The following PLA2G4E variants were observed in gnomAD, a reference collection of about 807,000 sequenced individuals.
The protein encoded by PLA2G4E is phospholipase A2 group IVE.
PLA2G4E carries 84 observed loss-of-function variants against 109.1 expected under a neutral mutation model. The ratio of observed to expected loss-of-function variants is 0.77; its 90% CI spans 0.65 to 0.92. The LOEUF (loss-of-function observed/expected upper bound fraction) is 0.92. PLA2G4E is among the 40% of genes least tolerant of loss of function. The probability of loss-of-function intolerance (pLI) is 0.00; values close to 1 mark genes in which losing one functional copy is unlikely to be tolerated. For synonymous variants in PLA2G4E, 469 were observed against 436.1 expected (o/e 1.08, Z -0.94); for missense variants, 1,057 against 1,076.6 (o/e 0.98, Z 0.25).
chr15:41,989,616 C>G, intron 14 of PLA2G4E, 64 bp from the exon 15 acceptor site: 1 of 1,544,404 alleles, frequency 6.5e-7, no homozygotes, highest in South Asian at 1.2e-5. Flanking sequence ...ACAGCCGGGC[C>G]CCCCTCCTGC....
intron 1 of PLA2G4E, among the ~76,000 whole-genome samples, chr15:42,025,028 A>G (rs2068681019): frequency 1.3e-5 from 2 of 151,766 alleles, no homozygotes; most frequent in African/African-American, 4.8e-5. Context: ...GTGAAACCCC[A>G]TCTCCACTAC....
At chr15:41,997,326 G>A in intron 10 of PLA2G4E, 67 bp from the exon 11 acceptor site, 1 of 1,414,504 alleles carries the variant, frequency 7.1e-7, no homozygotes, top group Non-Finnish European at 9.3e-7. Flanking sequence ...CACAGCTTCA[G>A]GGTCCATTGG....
chr15:42,007,699 G>T, intron 3 of PLA2G4E, 30 bp downstream of exon 3: 1 of 1,603,642 alleles, frequency 6.2e-7, no homozygotes, highest in East Asian at 2.2e-5. Flanking sequence ...ATGCAGACAG[G>T]GAAGACAGGT....
chr15:42,013,695 C>T (rs1420546025), exon 2 of PLA2G4E: 1 of 1,550,602 alleles, frequency 6.4e-7, no homozygotes, highest in Non-Finnish European at 8.7e-7. Flanking sequence ...GCATATCAGC[C>T]TGCCGGACAT....
At chr15:42,004,582 C>T (rs79947348) in intron 5 of PLA2G4E, among the ~76,000 whole-genome samples, 1 of 152,088 alleles carries the variant, frequency 6.6e-6, no homozygotes. Flanking sequence ...GGGCTCTGAC[C>T]TCTTTCTCAG....
At chr15:42,031,536 C>T (rs973053670) in intron 1 of PLA2G4E, among the ~76,000 whole-genome samples, 1 of 152,176 alleles carries the variant, frequency 6.6e-6, no homozygotes, top group Non-Finnish European at 1.5e-5. Context: ...TCATCCTCCT[C>T]TTTCTCCCAT....
rs948735567 is a variant in PLA2G4E at position 42,001,229 on chromosome 15, A to G, written c.610-9T>C. 2 of 1,610,756 alleles carry G rather than the reference A, an allele frequency of 1.2e-6. No homozygotes were observed. The highest frequency in any genetic ancestry group is 1.7e-5 in the Admixed American group (1 of 60,008). On this transcript the variant is annotated splice_polypyrimidine_tract_variant and intron_variant, in intron 6 of 19. Transcript: ENST00000399518. Reference sequence around the variant, plus strand: ...CAGGAGACTTGTCGAGACTGTAAAAAACAAAGGAGGGTCACAGAGTGTCTG... The same window carrying G: ...CAGGAGACTTGTCGAGACTGTAAAAGACAAAGGAGGGTCACAGAGTGTCTG...
rs1404205403 is a variant in PLA2G4E at position 41,990,345 on chromosome 15, C to T, written c.1471-110G>A. On this transcript the variant is annotated intron_variant, in intron 13 of 19. Coordinates refer to ENST00000399518, the Ensembl canonical transcript of PLA2G4E. ...CCGCAGCCACTTCCTGGCTCCTGAG[C>T]TCACCGGGCTGCTGTATCGGCCCCA... is the stretch of plus-strand genomic sequence containing the variant. 4 of 936,690 alleles carry T rather than the reference C, an allele frequency of 4.3e-6. No homozygotes were observed. In the Admixed American group the frequency reaches 6.0e-5, roughly 14 times the overall value. 58.0% of individuals were successfully genotyped at this position (936,690 alleles called of 1,614,324 possible). A position where few individuals can be genotyped will look rare whatever the true frequency, so the allele number is the denominator to read the frequency against.
chr15:42,045,329 C>T (rs1392363603), intron 1 of PLA2G4E, among the ~76,000 whole-genome samples: 1 of 152,114 alleles, frequency 6.6e-6, no homozygotes, highest in Non-Finnish European at 1.5e-5. Context: ...GAGCTGGGGG[C>T]CAAGAGTGTG....
chr15:42,004,360 G>GAGGGAGAA (rs1269850517), intron 5 of PLA2G4E, among the ~76,000 whole-genome samples: 2 of 150,228 alleles, frequency 1.3e-5, no homozygotes, highest in Non-Finnish European at 3.0e-5. Flanking sequence ...GAGAGGGAGA[G>GAGGGAGAA]AGGGAGAAAG....
At chr15:42,002,758 G>T in intron 5 of PLA2G4E, 62 bp from the exon 6 acceptor site, 1 of 1,402,472 alleles carries the variant, frequency 7.1e-7, no homozygotes, top group Non-Finnish European at 9.9e-7. Flanking sequence ...TCTTCTAATG[G>T]CGACAAAGGG....
Position 42,000,149 on chromosome 15 carries a change from C to A in PLA2G4E, c.807G>T (p.Gln269His). The A allele has an allele frequency of 3.1e-6, 5 of 1,594,808 alleles. No individual in the cohort carries two copies. In the South Asian group the frequency reaches 5.7e-5, roughly 18 times the overall value. Residue 269 changes from glutamine to histidine, a missense_variant, in exon 8 of 20, where the codon CAG becomes CAT. Physicochemically the swap from Gln to His is conservative, Grantham distance 24. Transcript: ENST00000399518. ...TGGGCACTTCCACGTGCACCTGGGA[C>A]TGGAAGTACTTGGGGTAGTGGAAGC...
chr15:41,989,413 A>G lies in PLA2G4E; in HGVS notation c.1723+2T>C. ...TCATTCCGCCAGTTGCAAGGCAGTC[A>G]CCTAGCATGTAGCAGATTCGAGACT... On this transcript the variant is annotated splice_donor_variant, in intron 15 of 19. Coordinates refer to ENST00000399518, the Ensembl canonical transcript of PLA2G4E. LOFTEE classifies it high-confidence loss of function. 6.2e-7 allele frequency: 1 copy of G among 1,613,920 alleles called. No individual in the cohort carries two copies. Among genetic ancestry groups the G allele is most frequent in the Non-Finnish European group, 8.5e-7 (1 of 1,179,824 alleles).
chr15:42,045,485 G>C (rs1889397941), intron 1 of PLA2G4E, among the ~76,000 whole-genome samples: 1 of 152,204 alleles, frequency 6.6e-6, no homozygotes, highest in African/African-American at 2.4e-5. Context: ...CGGCAGTGCC[G>C]GGGGATGAAA....
At chr15:41,984,467 G>T in exon 19 of PLA2G4E, 1 of 1,613,746 alleles carries the variant, frequency 6.2e-7, no homozygotes. Context: ...AAGTGTCATT[G>T]ATGAGTGGGA....
At chr15:42,007,990 A>C in intron 2 of PLA2G4E, 125 bp from the exon 3 acceptor site, 1 of 1,094,880 alleles carries the variant, frequency 9.1e-7, no homozygotes, top group South Asian at 1.6e-5. Context: ...CTCCTCATTC[A>C]TGGGTCTAAC....
chr15:42,000,580 C>A (rs1250828869), intron 7 of PLA2G4E, among the ~76,000 whole-genome samples: 1 of 152,196 alleles, frequency 6.6e-6, no homozygotes, highest in African/African-American at 2.4e-5. Flanking sequence ...CCCAAAGTAA[C>A]CTGCCCACTG....
chr15:42,003,976 G>A (rs1324966998), intron 5 of PLA2G4E, among the ~76,000 whole-genome samples: 1 of 151,856 alleles, frequency 6.6e-6, no homozygotes, highest in Non-Finnish European at 1.5e-5. Flanking sequence ...TGAGTCCTCA[G>A]CACAGTCATG....
rs1332825467 is a variant in PLA2G4E at position 41,983,938 on chromosome 15, TG to T, written c.2422del (p.Gln808ArgfsTer16). On this transcript the variant is annotated frameshift_variant, in exon 20 of 20. Coordinates refer to ENST00000399518, the Ensembl canonical transcript of PLA2G4E. LOFTEE classifies it high-confidence loss of function. The stretch of plus-strand genomic sequence containing the variant: ...AGTTTTGGGACCATAAATGTCCACC[TG>T]GCCCTGCTCCAGCTCCTCAGGGCTT... 6.2e-7 allele frequency: 1 copy of T among 1,612,044 alleles called. No homozygotes were observed. The highest frequency in any genetic ancestry group is 2.2e-5 in the East Asian group (1 of 44,868).
Sources: gnomAD v4.1 joint callset for allele counts (sites outside exome capture counted in the v4.1 genomes callset) on GRCh38, gnomAD v4.1.1 for gene constraint, MANE v1.5 for transcripts, NCBI Gene and HGNC (gene_info 2026-07-23, HGNC 2026-07-21) for gene names.